The following UBQLN4 variants were observed in gnomAD, a reference collection of about 807,000 sequenced individuals.
UBQLN4 encodes the protein ubiquilin-4.
Under a neutral mutation model 60.4 loss-of-function variants are expected in UBQLN4, and 11 were observed. The ratio of observed to expected loss-of-function variants is 0.18; its 90% CI spans 0.11 to 0.30. The LOEUF (loss-of-function observed/expected upper bound fraction) is 0.30, where lower values mean the gene tolerates loss of function less well. Among genes scored for constraint, UBQLN4 ranks in the 10% least tolerant of loss-of-function variants. The probability of loss-of-function intolerance (pLI) is 1.00; values close to 1 mark genes in which losing one functional copy is unlikely to be tolerated. For synonymous variants in UBQLN4, 258 were observed against 313.1 expected (o/e 0.82, Z 1.86); for missense variants, 417 against 795.5 (o/e 0.52, Z 5.72).
intron 10 of UBQLN4, among the ~76,000 whole-genome samples, chr1:156,040,925 C>T: frequency 6.6e-6 from 1 of 152,332 alleles, no homozygotes; most frequent in East Asian, 1.9e-4. Flanking sequence ...ATCCCTGCCC[C>T]TCCTGCCAGC....
At chr1:156,031,903 A>C (rs958929405), downstream of UBQLN4, among the ~76,000 whole-genome samples, 11 of 151,474 alleles carry the variant, frequency 7.3e-5, no homozygotes, top group African/African-American at 2.7e-4. Context: ...AAAGTGTACA[A>C]TTTGATAAGT....
rs1331272205 is a variant in UBQLN4 at position 156,035,832 on chromosome 1, C to T, written c.*1146G>A. ...GACTGACCTTTTTACCCACTTGTCT[C>T]TGGTGGTGGGAGAGCACTCTGAACC... On this transcript the variant is annotated 3_prime_UTR_variant, in exon 11 of 11. Coordinates refer to ENST00000368309, the MANE Select transcript of UBQLN4 (RefSeq NM_020131.5). The T allele has an allele frequency of 1.0e-6, 1 of 985,360 alleles. No individual in the cohort carries two copies. The highest frequency in any genetic ancestry group is 1.2e-6 in the Non-Finnish European group (1 of 829,938). The allele number at this position is 985,360 out of a possible 1,614,324, so 61.0% of individuals were successfully genotyped here. A position where few individuals can be genotyped will look rare whatever the true frequency, so the allele number is the denominator to read the frequency against.
At position 156,036,023 on chromosome 1, in the gene UBQLN4, G is replaced by A; in HGVS notation, c.*955C>T. The A allele has an allele frequency of 3.0e-6, 3 of 985,634 alleles. No homozygotes were observed. The highest frequency in any genetic ancestry group is 3.6e-6 in the Non-Finnish European group (3 of 829,990). The allele number at this position is 985,634 out of a possible 1,614,324, so 61.1% of individuals were successfully genotyped here. ...GGACACAAGCAAGACCTGGGTCCAT[G>A]GAAATGTGTGTGTGTGTGCATATAA... is the stretch of plus-strand genomic sequence containing the variant. On this transcript the variant is annotated 3_prime_UTR_variant, in exon 11 of 11. Coordinates refer to ENST00000368309, the MANE Select transcript of UBQLN4 (RefSeq NM_020131.5).
rs552911248 is a variant in UBQLN4, at chr1:156,051,174, G to A, written c.414C>T (p.Ser138=). 1.8e-5 allele frequency: 29 copies of A among 1,611,580 alleles called. No homozygotes were observed. The highest frequency in any genetic ancestry group is 2.5e-5 in the Non-Finnish European group (29 of 1,178,870). Residue 138 remains serine, a synonymous_variant, in exon 3 of 11, where the codon AGC becomes AGT. Coordinates refer to ENST00000368309, the MANE Select transcript of UBQLN4 (RefSeq NM_020131.5). ...CCCCCGGAGAGGGCCCCCCACCACT[G>A]CTCCTCCGGCTTCCACTGCCAGCAT... ...SSDAGSGSRR[S]SGGGPSPGAG... is the part of the protein sequence containing the mutation.
rs1572278607 is a variant in UBQLN4 at position 156,048,204 on chromosome 1, G to A, written c.900+297C>T. On this transcript the variant is annotated intron_variant, in intron 5 of 10. Transcript: ENST00000368309. The surrounding 1 kb of genome is among the most constrained non-coding windows in gnomAD (Gnocchi z 4.9). Reference sequence around the variant, plus strand: ...CTTGAGACATGCTGTATCAGGGCTGGCGTCTGACCTCAGGCCTGCCACGTG... The same window carrying A: ...CTTGAGACATGCTGTATCAGGGCTGACGTCTGACCTCAGGCCTGCCACGTG... Among the ~76,000 whole-genome samples the A allele has an allele frequency of 6.6e-6, 1 of 152,152 alleles. No homozygotes were observed. The highest frequency in any genetic ancestry group is 1.9e-4 in the East Asian group (1 of 5,190).
intron 6 of UBQLN4, 103 bp from the exon 7 acceptor site, chr1:156,043,016 A>C: frequency 6.9e-7 from 1 of 1,450,480 alleles, no homozygotes; most frequent in Non-Finnish European, 9.2e-7. Flanking sequence ...ATGACTACAA[A>C]ACTCAGAAAA....
chr1:156,048,458 G>C lies in UBQLN4; in HGVS notation c.900+43C>G, dbSNP rs761697609. 1 of 1,568,792 alleles carries C rather than the reference G, an allele frequency of 6.4e-7. No individual in the cohort carries two copies. The highest frequency in any genetic ancestry group is 1.4e-5 in the African/African-American group (1 of 73,904). On this transcript the variant is annotated intron_variant, in intron 5 of 10. Transcript: ENST00000368309. This position sits in a 1 kb window ranked among gnomAD's most constrained non-coding sequence, Gnocchi z 4.9. ...GCCTGGGGTGGGGGTAGGGAATCTCGAGCCCAGACAGCCCAACCCACTACC... is the reference window on the plus strand; with the variant it reads ...GCCTGGGGTGGGGGTAGGGAATCTCCAGCCCAGACAGCCCAACCCACTACC...
In UBQLN4 at chr1:156,035,649, A is replaced by T. The variant is rs976500612; in HGVS notation, c.*1329T>A. 3 of 982,858 alleles carry T rather than the reference A, an allele frequency of 3.1e-6. No homozygotes were observed. The highest frequency in any genetic ancestry group is 2.4e-6 in the Non-Finnish European group (2 of 828,052). 60.9% of individuals were successfully genotyped at this position (982,858 alleles called of 1,614,324 possible). On this transcript the variant is annotated 3_prime_UTR_variant, in exon 11 of 11. Coordinates refer to ENST00000368309, the MANE Select transcript of UBQLN4 (RefSeq NM_020131.5). ...ACTGAAAGGCCAGGGGCTCTGGAGG[A>T]AAAAAACCCTCTACTATTCCCACAA... is the stretch of plus-strand genomic sequence containing the variant.
At position 156,048,226 on chromosome 1, in the gene UBQLN4, C is replaced by T. The variant is rs1217303580; in HGVS notation, c.900+275G>A. ...CTGGCGTCTGACCTCAGGCCTGCCA[C>T]GTGACCTTTGAGCCCCTGGTACAAG... On this transcript the variant is annotated intron_variant, in intron 5 of 10. Coordinates refer to ENST00000368309, the MANE Select transcript of UBQLN4 (RefSeq NM_020131.5). This position sits in a 1 kb window ranked among gnomAD's most constrained non-coding sequence, Gnocchi z 4.9. Among the ~76,000 whole-genome samples, 5 of 152,166 alleles carry T rather than the reference C, an allele frequency of 3.3e-5. No homozygotes were observed. The highest frequency in any genetic ancestry group is 1.2e-4 in the African/African-American group (5 of 41,428).
At chr1:156,032,612 T>C (rs1683315161), downstream of UBQLN4, among the ~76,000 whole-genome samples, 1 of 152,176 alleles carries the variant, frequency 6.6e-6, no homozygotes, top group Non-Finnish European at 1.5e-5. Flanking sequence ...GTATTTTAAG[T>C]GAACGTGTCT....
At chr1:156,040,902 C>T (rs1683545123) in intron 10 of UBQLN4, among the ~76,000 whole-genome samples, 1 of 152,228 alleles carries the variant, frequency 6.6e-6, no homozygotes. Context: ...AAGAGGCTCA[C>T]TCGAGGTAGG....
intron 4 of UBQLN4, among the ~76,000 whole-genome samples, chr1:156,049,438 G>C (rs1282916655): frequency 2.6e-5 from 4 of 152,120 alleles, no homozygotes; most frequent in Non-Finnish European, 5.9e-5. Flanking sequence ...TGTCAACCCC[G>C]GGGGAGTTCA....
In UBQLN4 at chr1:156,048,545, A is replaced by T. The variant is rs1174678247; in HGVS notation, c.856T>A (p.Tyr286Asn). 6.2e-7 allele frequency: 1 copy of T among 1,613,424 alleles called. No homozygotes were observed. The highest frequency in any genetic ancestry group is 1.7e-5 in the Admixed American group (1 of 59,994). ...PGGYNALRRM[Y>N]TDIQEPMFSA... ...AACATGGGCTCCTGGATGTCCGTGT[A>T]CATGCGGCGGAGGGCATTATACCCT... Residue 286 changes from tyrosine (Y) to asparagine (N), a missense_variant, in exon 5 of 11, where the codon TAC (tyrosine) becomes AAC (asparagine). Tyr to Asn is a moderately radical substitution (Grantham distance 143, BLOSUM62 -2). Coordinates refer to ENST00000368309, the MANE Select transcript of UBQLN4 (RefSeq NM_020131.5). This position sits in a 1 kb window ranked among gnomAD's most constrained non-coding sequence, Gnocchi z 4.9.
intron 10 of UBQLN4, among the ~76,000 whole-genome samples, chr1:156,037,890 T>C (rs1683448490): frequency 6.6e-6 from 1 of 152,170 alleles, no homozygotes; most frequent in Non-Finnish European, 1.5e-5. Flanking sequence ...GTTTCACTGA[T>C]CAACAGTTAT....
intron 8 of UBQLN4, 40 bp downstream of exon 8, chr1:156,042,113 C>G: frequency 6.2e-7 from 1 of 1,607,390 alleles, no homozygotes; most frequent in Non-Finnish European, 8.5e-7. Context: ...AGGGACTACC[C>G]CTTGCCCTCA....
chr1:156,034,828 T>TAC (rs1683357010), downstream of UBQLN4, among the ~76,000 whole-genome samples: 1 of 27,006 alleles, frequency 3.7e-5, no homozygotes, highest in African/African-American at 1.4e-4. Context: ...TAACCTTCTA[T>TAC]ATATATATAT....
rs759570817 is a variant in UBQLN4 at position 156,041,876 on chromosome 1, G to T, written c.1462C>A (p.Pro488Thr). Residue 488 changes from proline (P) to threonine (T), a missense_variant, in exon 9 of 11, where the codon CCC (proline) becomes ACC (threonine). Coordinates refer to ENST00000368309, the MANE Select transcript of UBQLN4 (RefSeq NM_020131.5). ...CTCCTGCCCCCCTACCCTCACCTGG[G>T]TACCAGCCCAGGGGCCTCGGTCTGC... is the stretch of plus-strand genomic sequence containing the variant. ...TLQTEAPGLV[P>T]SLGSFGISRT... 6.2e-7 allele frequency: 1 copy of T among 1,610,532 alleles called. No homozygotes were observed. Among genetic ancestry groups the T allele is most frequent in the Non-Finnish European group, 8.5e-7 (1 of 1,178,968 alleles).
chr1:156,049,001 G>A (rs1683790830), intron 4 of UBQLN4, among the ~76,000 whole-genome samples: 1 of 152,198 alleles, frequency 6.6e-6, no homozygotes, highest in Non-Finnish European at 1.5e-5. Flanking sequence ...AAAGAAAGGG[G>A]AGGAGGCAGA....
intron 10 of UBQLN4, among the ~76,000 whole-genome samples, chr1:156,037,851 G>T (rs1324012152): frequency 6.6e-6 from 1 of 152,146 alleles, no homozygotes; most frequent in African/African-American, 2.4e-5. Context: ...GGCTAGAGAA[G>T]GGTCCCAGTT....
Sources: gnomAD v4.1 joint callset for allele counts (sites outside exome capture counted in the v4.1 genomes callset) on GRCh38, gnomAD v4.1.1 for gene constraint, Gnocchi (gnomAD v3.1) non-coding constraint, MANE v1.5 for transcripts, NCBI Gene and HGNC (gene_info 2026-07-23, HGNC 2026-07-21) for gene names.